Variants in LHFPL6 observed in about 807,000 individuals in gnomAD.
The protein encoded by LHFPL6 is LHFPL tetraspan subfamily member 6, also known as LHFPL tetraspan subfamily member 6 protein.
Under a neutral mutation model 20.6 loss-of-function variants are expected in LHFPL6, and 9 were observed. The observed-to-expected ratio is 0.44, with a 90% confidence interval of 0.26 to 0.76. The LOEUF is 0.76. LHFPL6 is among the 30% of genes least tolerant of loss of function. The probability of loss-of-function intolerance (pLI) is 0.20; values close to 1 mark genes in which losing one functional copy is unlikely to be tolerated. For missense variants in LHFPL6, 218 were observed against 253.5 expected (o/e 0.86, Z 0.95); for synonymous variants, 105 against 98.7 (o/e 1.06, Z -0.38).
intron 3 of LHFPL6, among the ~76,000 whole-genome samples, chr13:39,369,192 A>C (rs1203966705): frequency 6.6e-6 from 1 of 151,548 alleles, no homozygotes; most frequent in Non-Finnish European, 1.5e-5. Flanking sequence ...AAGAAATCTT[A>C]TTTCCCACAG....
intron 2 of LHFPL6, among the ~76,000 whole-genome samples, chr13:39,559,110 G>A (rs935717367): frequency 3.3e-4 from 50 of 152,208 alleles, no homozygotes; most frequent in Admixed American, 3.3e-3. Flanking sequence ...GGAGACAACA[G>A]CAGACAGCTG....
chr13:39,352,440 G>A (rs1869592803), intron 3 of LHFPL6, among the ~76,000 whole-genome samples: 1 of 152,184 alleles, frequency 6.6e-6, no homozygotes. Flanking sequence ...GTATTGCTCT[G>A]GAAAGCGCAG....
intron 2 of LHFPL6, among the ~76,000 whole-genome samples, chr13:39,381,350 G>A (rs1261065244): frequency 6.6e-6 from 1 of 152,104 alleles, no homozygotes; most frequent in Non-Finnish European, 1.5e-5. Flanking sequence ...CTCTCCAAGG[G>A]GCAGAACACT....
At chr13:39,418,526 C>T (rs929492373) in intron 2 of LHFPL6, among the ~76,000 whole-genome samples, 2 of 151,560 alleles carry the variant, frequency 1.3e-5, no homozygotes, top group South Asian at 4.2e-4. Flanking sequence ...ATGCAAGTAG[C>T]GTCTGGGGGA....
At chr13:39,540,326 A>G (rs1593355339) in intron 2 of LHFPL6, among the ~76,000 whole-genome samples, 1 of 152,182 alleles carries the variant, frequency 6.6e-6, no homozygotes, top group East Asian at 1.9e-4. Context: ...CTTAATTTAA[A>G]TTGACCAGAA....
chr13:39,404,111 T>C (rs1486590877), intron 2 of LHFPL6, among the ~76,000 whole-genome samples: 1 of 152,258 alleles, frequency 6.6e-6, no homozygotes, highest in Non-Finnish European at 1.5e-5. Flanking sequence ...CCTGCTTTGC[T>C]AATGGCTGCT....
chr13:39,576,145 C>T lies in LHFPL6; in HGVS notation c.385+24687G>A, dbSNP rs192118034. ...CATTTGGGACTTGTTCCTATGTCTC[C>T]AAAAGTAGAGGAAATAAGCCCATTT... On this transcript the variant is annotated intron_variant, in intron 2 of 3. Transcript: ENST00000379589. Among the ~76,000 whole-genome samples, 5 of 152,190 alleles carry T rather than the reference C, an allele frequency of 3.3e-5. No individual in the cohort carries two copies. In the East Asian group the frequency reaches 7.7e-4, roughly 23 times the overall value.
Position 39,504,938 on chromosome 13 carries a change from C to T in LHFPL6, c.385+95894G>A, listed in dbSNP as rs557343249. Among the ~76,000 whole-genome samples the T allele has an allele frequency of 1.5e-3, 224 of 152,300 alleles. 8 individuals are homozygous for T. In the South Asian group the frequency reaches 0.044, roughly 30 times the overall value. ...TGAAATAAATAAAAATGACCTGGCT[C>T]ATTACATAAATGAATGAATTAAAAT... On this transcript the variant is annotated intron_variant, in intron 2 of 3. Transcript: ENST00000379589.
intron 2 of LHFPL6, among the ~76,000 whole-genome samples, chr13:39,581,480 T>G: frequency 6.7e-6 from 1 of 149,518 alleles, no homozygotes; most frequent in East Asian, 2.0e-4. Flanking sequence ...ATAAACGAAC[T>G]GACTTTCTTC....
At chr13:39,574,755 G>A (rs770245041) in intron 2 of LHFPL6, among the ~76,000 whole-genome samples, 34 of 152,206 alleles carry the variant, frequency 2.2e-4, no homozygotes, top group Middle Eastern at 6.8e-3. Context: ...CAGCAAGAAT[G>A]AGGCAGTGTG....
intron 2 of LHFPL6, among the ~76,000 whole-genome samples, chr13:39,447,438 G>C (rs1309053315): frequency 6.6e-6 from 1 of 152,088 alleles, no homozygotes; most frequent in Non-Finnish European, 1.5e-5. Flanking sequence ...TTTTTCATCA[G>C]ATTCATTAAA....
At chr13:39,446,126 GT>G (rs1872282614) in intron 2 of LHFPL6, among the ~76,000 whole-genome samples, 1 of 152,210 alleles carries the variant, frequency 6.6e-6, no homozygotes, top group African/African-American at 2.4e-5. Context: ...GAGCATGGTA[GT>G]TAGGAGCACA....
intron 3 of LHFPL6, among the ~76,000 whole-genome samples, chr13:39,362,050 A>G (rs1317825017): frequency 6.6e-6 from 1 of 152,234 alleles, no homozygotes; most frequent in Non-Finnish European, 1.5e-5. Context: ...AAATTACTCC[A>G]AAATCAAAAT....
At chr13:39,570,908 C>A (rs1247000333) in intron 2 of LHFPL6, among the ~76,000 whole-genome samples, 1 of 152,180 alleles carries the variant, frequency 6.6e-6, no homozygotes, top group Non-Finnish European at 1.5e-5. Context: ...CCTGTAATTT[C>A]TTTTACCCAT....
At chr13:39,513,223 T>G (rs1238838534) in intron 2 of LHFPL6, among the ~76,000 whole-genome samples, 1 of 152,250 alleles carries the variant, frequency 6.6e-6, no homozygotes, top group Non-Finnish European at 1.5e-5. Context: ...TTAGTTGTTC[T>G]TTTAAAACAG....
intron 2 of LHFPL6, among the ~76,000 whole-genome samples, chr13:39,594,551 C>T (rs565949660): frequency 1.3e-5 from 2 of 152,278 alleles, no homozygotes; most frequent in African/African-American, 4.8e-5. Context: ...TTGTGGACGT[C>T]GGTGTGGCGA....
intron 2 of LHFPL6, among the ~76,000 whole-genome samples, chr13:39,540,630 T>TG (rs768880920): frequency 2.0e-5 from 3 of 152,170 alleles, no homozygotes; most frequent in Non-Finnish European, 4.4e-5. Flanking sequence ...GTGTAAGTTT[T>TG]GGGGGGCTAA....
At chr13:39,442,923 C>T (rs1872179804) in intron 2 of LHFPL6, among the ~76,000 whole-genome samples, 1 of 152,062 alleles carries the variant, frequency 6.6e-6, no homozygotes, top group South Asian at 2.1e-4. Flanking sequence ...CTTCTTGTCT[C>T]TTTCTCTCTC....
intron 2 of LHFPL6, among the ~76,000 whole-genome samples, chr13:39,497,472 T>C (rs1869139845): frequency 6.6e-6 from 1 of 152,222 alleles, no homozygotes; most frequent in Non-Finnish European, 1.5e-5. Context: ...GCTACCCTCA[T>C]GCTAAGAGGC....
Sources: gnomAD v4.1 joint callset for allele counts (sites outside exome capture counted in the v4.1 genomes callset) on GRCh38, gnomAD v4.1.1 for gene constraint, MANE v1.5 for transcripts, NCBI Gene and HGNC (gene_info 2026-07-23, HGNC 2026-07-21) for gene names.